ITGAD: variants seen among roughly 807,000 people sequenced by gnomAD.
ITGAD encodes integrin alpha-D.
In ITGAD, 105 loss-of-function variants were observed where a neutral mutation model predicts 139.0. That is an observed-to-expected ratio of 0.76 (90% CI 0.65 to 0.89). The LOEUF is 0.89. Ranked by LOEUF, ITGAD falls within the 40% of genes least tolerant of loss-of-function variation. The pLI is 0.00. For synonymous variants in ITGAD, 569 were observed against 598.3 expected (o/e 0.95, Z 0.71); for missense variants, 1,384 against 1,487.3 (o/e 0.93, Z 1.14).
intron 23 of ITGAD, among the ~76,000 whole-genome samples, chr16:31,421,253 C>T (rs1354970281): frequency 6.6e-6 from 1 of 152,010 alleles, no homozygotes; most frequent in Non-Finnish European, 1.5e-5. Flanking sequence ...TGCCCATGGC[C>T]ATACATGGCA....
At chr16:31,422,718 G>A (rs942130289) in intron 23 of ITGAD, among the ~76,000 whole-genome samples, 8 of 152,098 alleles carry the variant, frequency 5.3e-5, no homozygotes, top group African/African-American at 9.7e-5. Context: ...AAGGAGAAGA[G>A]CTTGAGCAAA....
intron 23 of ITGAD, 72 bp downstream of exon 23, chr16:31,418,636 C>T: frequency 8.8e-7 from 1 of 1,130,984 alleles, no homozygotes; most frequent in Non-Finnish European, 1.3e-6. Flanking sequence ...TGAGTCCCAG[C>T]CTGCTCTTCC....
intron 10 of ITGAD, among the ~76,000 whole-genome samples, chr16:31,409,311 CAAA>C (rs376207635): frequency 5.6e-4 from 85 of 150,798 alleles, no homozygotes; most frequent in Middle Eastern, 3.4e-3. Context: ...ACAACAACAA[CAAA>C]AACAAAAACA....
At chr16:31,404,067 T>C (rs955811913) in intron 7 of ITGAD, 3 of 171,742 alleles carry the variant, frequency 1.7e-5, no homozygotes, top group Non-Finnish European at 3.7e-5. Flanking sequence ...TGAGATCATG[T>C]GTGTGGGGTG....
At chr16:31,401,980 T>G (rs947433409) in intron 5 of ITGAD, 135 bp from the exon 6 acceptor site, 12 of 901,518 alleles carry the variant, frequency 1.3e-5, no homozygotes, top group Non-Finnish European at 2.0e-5. Flanking sequence ...GGTGGCAGAC[T>G]GGGGCCTCCT....
rs2081674953 is a variant in ITGAD, at chr16:31,410,763, A to C, written c.1241A>C (p.Lys414Thr). The change falls in exon 12 of 30, where the codon AAG (lysine) becomes ACG (threonine). Residue 414 changes from lysine (K) to threonine (T), a missense_variant. Coordinates refer to ENST00000389202, the MANE Select transcript of ITGAD (RefSeq NM_005353.3). ...TACTCCACCGAGCTAGCCCTGTGGAAGGGGGTACAGAACCTGGTCCTGGGG... is the reference window on the plus strand; with the variant it reads ...TACTCCACCGAGCTAGCCCTGTGGACGGGGGTACAGAACCTGGTCCTGGGG... ...LGYSTELALW[K>T]GVQNLVLGAP... is the part of the protein sequence containing the mutation. 6.2e-7 allele frequency: 1 copy of C among 1,612,610 alleles called. No individual in the cohort carries two copies. Among genetic ancestry groups the C allele is most frequent in the Non-Finnish European group, 8.5e-7 (1 of 1,179,644 alleles).
At chr16:31,423,014 C>A in intron 23 of ITGAD, 100 bp from the exon 24 acceptor site, 1 of 920,934 alleles carries the variant, frequency 1.1e-6, no homozygotes, top group South Asian at 1.3e-5. Context: ...CGTTATTTCC[C>A]TGAGACATCT....
At chr16:31,408,622 C>T (rs2081600648) in intron 10 of ITGAD, 124 bp downstream of exon 10, 1 of 789,208 alleles carries the variant, frequency 1.3e-6, no homozygotes, top group Admixed American at 2.3e-5. Flanking sequence ...GGGAGAGGCC[C>T]CCACGCGTGT....
At chr16:31,394,165 A>T in intron 1 of ITGAD, 71 bp from the exon 2 acceptor site, 2 of 911,060 alleles carry the variant, frequency 2.2e-6, no homozygotes, top group Non-Finnish European at 1.7e-6. Context: ...AAAAAGAAAA[A>T]GAGGCTGGGA....
chr16:31,416,552 T>G lies in ITGAD; in HGVS notation c.2405T>G (p.Val802Gly). The change falls in exon 20 of 30, where the codon GTG becomes GGG. Residue 802 changes from valine to glycine, a missense_variant. By Grantham distance (109) the Val-to-Gly change is moderately radical (BLOSUM62 -3). Coordinates refer to ENST00000389202, the MANE Select transcript of ITGAD (RefSeq NM_005353.3). ...AGCTCCCTGGAGCTCAACGTGATTG[T>G]GACTGTGTGGAACGCAGGTGAGGAT... is the stretch of plus-strand genomic sequence containing the variant. Reference protein sequence around the residue: ...VGSSLELNVIVTVWNAGEDSY... With the variant: ...VGSSLELNVIGTVWNAGEDSY... The G allele has an allele frequency of 6.2e-7, 1 of 1,613,850 alleles. No homozygotes were observed. The highest frequency in any genetic ancestry group is 8.5e-7 in the Non-Finnish European group (1 of 1,179,758).
At chr16:31,406,556 C>A (rs1212248725) in intron 7 of ITGAD, among the ~76,000 whole-genome samples, 1 of 152,166 alleles carries the variant, frequency 6.6e-6, no homozygotes, top group Non-Finnish European at 1.5e-5. Flanking sequence ...CAGCACTAAG[C>A]TGGTGTCTGG....
In ITGAD at chr16:31,414,932, T is replaced by TC; in HGVS notation, c.2230dup (p.Gln744ProfsTer32). The TC allele has an allele frequency of 6.2e-7, 1 of 1,613,798 alleles. No homozygotes were observed. The highest frequency in any genetic ancestry group is 8.5e-7 in the Non-Finnish European group (1 of 1,179,878). On this transcript the variant is annotated frameshift_variant, in exon 18 of 30. Transcript: ENST00000389202. LOFTEE classifies it high-confidence loss of function. ...CTCACTGGTGAGAGAGCCCATCCCC[T>TC]CCCCCCAGAACCTGCGTCCTGTGCT...
Position 31,413,120 on chromosome 16 carries a change from A to G in ITGAD, c.1870A>G (p.Met624Val), listed in dbSNP as rs2081777715. Reference protein sequence around the residue: ...SLPVLKVGVAMRFSPVEVAKA... With the variant: ...SLPVLKVGVAVRFSPVEVAKA... ...GCCGGTGCTGAAAGTGGGGGTGGCCATGAGATTCAGCCCTGTGGAGGTGGC... is the reference window on the plus strand; with the variant it reads ...GCCGGTGCTGAAAGTGGGGGTGGCCGTGAGATTCAGCCCTGTGGAGGTGGC... The change falls in exon 16 of 30, where the codon ATG becomes GTG. Residue 624 changes from methionine to valine, a missense_variant. Coordinates refer to ENST00000389202, the MANE Select transcript of ITGAD (RefSeq NM_005353.3). The G allele has an allele frequency of 6.2e-7, 1 of 1,614,018 alleles. No homozygotes were observed. The highest frequency in any genetic ancestry group is 2.2e-5 in the East Asian group (1 of 44,884).
intron 10 of ITGAD, 146 bp from the exon 11 acceptor site, chr16:31,410,249 G>A: frequency 3.8e-6 from 4 of 1,063,582 alleles, no homozygotes; most frequent in Admixed American, 2.2e-5. Context: ...GTGGGGACAG[G>A]CAGAGGCACA....
At chr16:31,419,785 C>G (rs2081971443) in intron 23 of ITGAD, among the ~76,000 whole-genome samples, 1 of 117,810 alleles carries the variant, frequency 8.5e-6, no homozygotes. Context: ...CATGCCAGCT[C>G]AGGGGTGACA....
Position 31,397,651 on chromosome 16 carries a change from C to G in ITGAD, c.297C>G (p.Asn99Lys). The G allele has an allele frequency of 6.5e-7, 1 of 1,545,872 alleles. No individual in the cohort carries two copies. Among genetic ancestry groups the G allele is most frequent in the Non-Finnish European group, 8.7e-7 (1 of 1,146,238 alleles). The change falls in exon 4 of 30, where the codon AAC becomes AAG. Residue 99 changes from asparagine to lysine, a missense_variant. By Grantham distance (94) the Asn-to-Lys change is moderately conservative. Coordinates refer to ENST00000389202, the MANE Select transcript of ITGAD (RefSeq NM_005353.3). Reference protein sequence around the residue: ...SLGLTLAASTNGSRLLACGPT... With the variant: ...SLGLTLAASTKGSRLLACGPT... ...GCCTGACCCTGGCAGCCTCCACCAA[C>G]GGCTCCCGGCTCCTGGTGAGTGAGT...
intron 5 of ITGAD, 126 bp downstream of exon 5, chr16:31,398,035 C>T (rs1236195441): frequency 1.5e-6 from 1 of 662,744 alleles, no homozygotes; most frequent in African/African-American, 1.8e-5. Flanking sequence ...GGAGAGAAGC[C>T]AGGAGAAGAG....
At chr16:31,408,211 A>G (rs2081588951) in intron 9 of ITGAD, among the ~76,000 whole-genome samples, 2 of 152,082 alleles carry the variant, frequency 1.3e-5, no homozygotes, top group Admixed American at 6.6e-5. Flanking sequence ...ACCTCAGGTG[A>G]TCCGCCAACC....
chr16:31,395,088 G>C (rs1297029819), intron 2 of ITGAD, among the ~76,000 whole-genome samples: 1 of 152,106 alleles, frequency 6.6e-6, no homozygotes, highest in Non-Finnish European at 1.5e-5. Flanking sequence ...AGGCTGAGGC[G>C]GGCAGATCAT....
Sources: allele counts gnomAD v4.1 joint callset (sites outside exome capture counted in the v4.1 genomes callset), GRCh38; gene constraint gnomAD v4.1.1; transcripts MANE v1.5; gene names NCBI Gene and HGNC (gene_info 2026-07-23, HGNC 2026-07-21).